The following NEDD9 variants were observed in gnomAD, a reference collection of about 807,000 sequenced individuals.
NEDD9 encodes neural precursor cell expressed, developmentally down-regulated 9, also known as enhancer of filamentation 1.
A neutral mutation model predicts 76.6 loss-of-function variants in NEDD9; 26 were observed. The observed-to-expected ratio is 0.34, with a 90% CI of 0.25 to 0.47. NEDD9 has a LOEUF of 0.47. NEDD9 is among the 20% of genes least tolerant of loss of function. The pLI, the probability that NEDD9 is intolerant of heterozygous loss-of-function variation, is 1.00. For missense variants in NEDD9, 937 were observed against 1,058.5 expected (o/e 0.89, Z 1.59); for synonymous variants, 392 against 414.2 (o/e 0.95, Z 0.65).
intron 2 of NEDD9, among the ~76,000 whole-genome samples, chr6:11,307,889 C>CT (rs1190455478): frequency 3.3e-5 from 5 of 152,180 alleles, no homozygotes; most frequent in Middle Eastern, 3.4e-3. Flanking sequence ...GGGCCTTGTG[C>CT]TTTTGGGCTT....
intron 3 of NEDD9, among the ~76,000 whole-genome samples, chr6:11,282,174 T>G (rs1009270262): frequency 6.6e-6 from 1 of 152,240 alleles, no homozygotes; most frequent in Non-Finnish European, 1.5e-5. Flanking sequence ...CAGGTGTTCA[T>G]CTCCTTTAAT....
intron 3 of NEDD9, among the ~76,000 whole-genome samples, chr6:11,278,124 C>A (rs1014797706): frequency 6.6e-6 from 1 of 152,194 alleles, no homozygotes; most frequent in African/African-American, 2.4e-5. Flanking sequence ...CATAACACAT[C>A]TTCTTCCCCT....
intron 1 of NEDD9, among the ~76,000 whole-genome samples, chr6:11,343,642 C>T (rs968130685): frequency 6.6e-6 from 1 of 152,084 alleles, no homozygotes; most frequent in African/African-American, 2.4e-5. Context: ...AAGAACAGTG[C>T]CTAGCACAAA....
intron 3 of NEDD9, among the ~76,000 whole-genome samples, chr6:11,255,708 C>G (rs1477210271): frequency 6.6e-6 from 1 of 152,012 alleles, no homozygotes; most frequent in Non-Finnish European, 1.5e-5. Context: ...TGGAGCCATG[C>G]GAGGCCTTTT....
chr6:11,277,387 A>C (rs142646939), intron 3 of NEDD9, among the ~76,000 whole-genome samples: 45 of 152,322 alleles, frequency 3.0e-4, no homozygotes, highest in African/African-American at 1.0e-3. Flanking sequence ...ATGAGTGAGA[A>C]GAGAGAGGTG....
At chr6:11,317,932 C>T (rs1761625430) in intron 2 of NEDD9, among the ~76,000 whole-genome samples, 1 of 152,162 alleles carries the variant, frequency 6.6e-6, no homozygotes, top group South Asian at 2.1e-4. Flanking sequence ...TGCAGGTGGG[C>T]CTTGTTCAAT....
intron 1 of NEDD9, among the ~76,000 whole-genome samples, chr6:11,362,717 T>C (rs1026544871): frequency 3.3e-5 from 5 of 152,234 alleles, no homozygotes; most frequent in African/African-American, 7.2e-5. Context: ...GGATATGTCA[T>C]GAGCTGCCAG....
chr6:11,312,328 T>A (rs1233117603), intron 2 of NEDD9, among the ~76,000 whole-genome samples: 3 of 152,130 alleles, frequency 2.0e-5, no homozygotes, highest in African/African-American at 7.2e-5. Context: ...TTGTCCATCT[T>A]CCCCATGGCC....
intron 2 of NEDD9, among the ~76,000 whole-genome samples, chr6:11,212,044 A>C (rs1461812613): frequency 6.6e-6 from 1 of 152,174 alleles, no homozygotes; most frequent in Non-Finnish European, 1.5e-5. Context: ...TTGTTTTTTC[A>C]ACAGAGGATT....
At chr6:11,246,224 T>C (rs1457285771) in intron 3 of NEDD9, among the ~76,000 whole-genome samples, 4 of 152,184 alleles carry the variant, frequency 2.6e-5, no homozygotes, top group African/African-American at 9.7e-5. Context: ...ATGTAAGATA[T>C]CAACCTAAGT....
rs928937409 is a variant in NEDD9 at position 11,213,220 on chromosome 6, T to C, written c.459+61A>G. The C allele has an allele frequency of 6.9e-7, 1 of 1,451,790 alleles. No homozygotes were observed. Among genetic ancestry groups the C allele is most frequent in the Non-Finnish European group, 9.3e-7 (1 of 1,072,372 alleles). The allele number at this position is 1,451,790 out of a possible 1,614,324, so 89.9% of individuals were successfully genotyped here. On this transcript the variant is annotated intron_variant, in intron 2 of 6. Coordinates refer to ENST00000379446, the MANE Select transcript of NEDD9 (RefSeq NM_006403.4). This position sits in a 1 kb window ranked among gnomAD's most constrained non-coding sequence, Gnocchi z 5.4. ...TTAATTTGGGAACATTTCCAAATGC[T>C]CCAAGTGTAATGGGAAAAAAAAATA...
chr6:11,200,402 A>T, intron 2 of NEDD9: 1 of 683,958 alleles, frequency 1.5e-6, no homozygotes, highest in Non-Finnish European at 2.1e-6. Context: ...TATAGGCTTC[A>T]CATTATTTCT....
chr6:11,252,296 T>G lies in NEDD9; in HGVS notation c.13-38569A>C, dbSNP rs1271295393. Among the ~76,000 whole-genome samples the G allele has an allele frequency of 2.6e-5, 4 of 152,246 alleles. No homozygotes were observed. The highest frequency in any genetic ancestry group is 9.6e-5 in the African/African-American group (4 of 41,540). On this transcript the variant is annotated intron_variant, in intron 3 of 3. Coordinates refer to the NEDD9 transcript ENST00000397378. This position sits in a 1 kb window ranked among gnomAD's most constrained non-coding sequence, Gnocchi z 4.3. Reference sequence around the variant, plus strand: ...TGGGAGCTGAGAATACAGATGAACATAAAAATTGAGAAGAGTTATTGGAGG... The same window carrying G: ...TGGGAGCTGAGAATACAGATGAACAGAAAAATTGAGAAGAGTTATTGGAGG...
chr6:11,233,904 G>C (rs559100508), upstream of NEDD9, among the ~76,000 whole-genome samples: 10 of 151,976 alleles, frequency 6.6e-5, no homozygotes, highest in African/African-American at 2.2e-4. Context: ...TCCTGACCAA[G>C]TTGGATCAGA....
At chr6:11,204,106 T>A (rs934123387) in intron 2 of NEDD9, among the ~76,000 whole-genome samples, 4 of 152,210 alleles carry the variant, frequency 2.6e-5, no homozygotes, top group Non-Finnish European at 4.4e-5. Context: ...TAGCATCACT[T>A]GCCATTTCAC....
chr6:11,302,125 C>G (rs59193127), intron 3 of NEDD9, among the ~76,000 whole-genome samples: 1 of 150,522 alleles, frequency 6.6e-6, no homozygotes, highest in African/African-American at 2.4e-5. Flanking sequence ...CTAGCAAGAC[C>G]AATAAAAAAG....
chr6:11,362,151 G>A lies in NEDD9; in HGVS notation c.-214+19988C>T, dbSNP rs753879331. Reference sequence around the variant, plus strand: ...AATCCTCCTGAATGGATGTAGTGCCGTTATGAAAGAGATCCCAGAGAGCTC... The same window carrying A: ...AATCCTCCTGAATGGATGTAGTGCCATTATGAAAGAGATCCCAGAGAGCTC... On this transcript the variant is annotated intron_variant, in intron 1 of 3. Coordinates refer to the NEDD9 transcript ENST00000397378. Among the ~76,000 whole-genome samples, 8 of 152,268 alleles carry A rather than the reference G, an allele frequency of 5.3e-5. No homozygotes were observed. In the South Asian group the frequency reaches 8.3e-4, roughly 16 times the overall value.
chr6:11,210,912 T>C lies in NEDD9; in HGVS notation c.459+2369A>G, dbSNP rs1018799586. Among the ~76,000 whole-genome samples, 47 of 152,254 alleles carry C rather than the reference T, an allele frequency of 3.1e-4. 1 individual carries two copies. The highest frequency in any genetic ancestry group is 1.1e-3 in the African/African-American group (45 of 41,558). On this transcript the variant is annotated intron_variant, in intron 2 of 6. Coordinates refer to ENST00000379446, the MANE Select transcript of NEDD9 (RefSeq NM_006403.4). ...GCAGCCTAGAGACCCAGGATCAGGA[T>C]ACTGTGGAGAAGCCCTTGGTATTTG...
intron 1 of NEDD9, among the ~76,000 whole-genome samples, chr6:11,355,922 C>A (rs138768740): frequency 6.6e-6 from 1 of 152,010 alleles, no homozygotes; most frequent in Non-Finnish European, 1.5e-5. Context: ...GGGGTTTCAC[C>A]GTGTTAGCCA....
Sources: gnomAD v4.1 joint callset for allele counts (sites outside exome capture counted in the v4.1 genomes callset) on GRCh38, gnomAD v4.1.1 for gene constraint, Gnocchi (gnomAD v3.1) non-coding constraint, MANE v1.5 for transcripts, NCBI Gene and HGNC (gene_info 2026-07-23, HGNC 2026-07-21) for gene names.